The following LRRC4C variants were observed in gnomAD, a reference collection of about 807,000 sequenced individuals.
LRRC4C encodes leucine rich repeat containing 4C.
A neutral mutation model predicts 33.6 loss-of-function variants in LRRC4C; 5 were observed. The ratio of observed to expected loss-of-function variants is 0.15; its 90% confidence interval spans 0.08 to 0.31. The LOEUF (loss-of-function observed/expected upper bound fraction) is 0.31. LRRC4C is among the 10% of genes least tolerant of loss of function. The pLI, the probability that LRRC4C is intolerant of heterozygous loss-of-function variation, is 1.00. For synonymous variants in LRRC4C, 329 were observed against 302.0 expected (o/e 1.09, Z -0.93); for missense variants, 560 against 796.7 (o/e 0.70, Z 3.58).
intron 1 of LRRC4C, among the ~76,000 whole-genome samples, chr11:41,219,246 A>AT (rs150947252): frequency 0.041 from 6,260 of 152,216 alleles, 434 homozygotes; most frequent in African/African-American, 0.14. Context: ...AAAATTACAA[A>AT]AATTCCTCTG....
At chr11:40,898,352 TCAAA>T (rs1956052118) in intron 2 of LRRC4C, among the ~76,000 whole-genome samples, 1 of 3,598 alleles carries the variant, frequency 2.8e-4, no homozygotes, top group African/African-American at 1.1e-3. Context: ...AAACTCCATC[TCAAA>T]AAAAAAAAAA....
At chr11:41,320,950 ACAGT>A (rs1418640802) in intron 1 of LRRC4C, among the ~76,000 whole-genome samples, 1 of 152,198 alleles carries the variant, frequency 6.6e-6, no homozygotes. Context: ...GAGGCTGCTC[ACAGT>A]TTCCTGCCAT....
intron 2 of LRRC4C, among the ~76,000 whole-genome samples, chr11:40,894,869 A>G (rs998967733): frequency 3.3e-5 from 5 of 152,176 alleles, no homozygotes; most frequent in African/African-American, 1.2e-4. Flanking sequence ...CTTCTGGTAC[A>G]TATTATACTC....
intron 2 of LRRC4C, among the ~76,000 whole-genome samples, chr11:40,779,949 T>C (rs542004777): frequency 4.7e-4 from 72 of 152,296 alleles, no homozygotes; most frequent in African/African-American, 1.6e-3. Flanking sequence ...ACAACATCAA[T>C]GTGATGTAAT....
intron 1 of LRRC4C, among the ~76,000 whole-genome samples, chr11:41,138,841 C>T (rs2135892437): frequency 6.6e-6 from 1 of 152,234 alleles, no homozygotes; most frequent in South Asian, 2.1e-4. Flanking sequence ...TATAAGAATA[C>T]TATTTCCCAA....
chr11:40,468,882 TAA>T (rs1489595362), intron 3 of LRRC4C, among the ~76,000 whole-genome samples: 1 of 152,182 alleles, frequency 6.6e-6, no homozygotes, highest in African/African-American at 2.4e-5. Context: ...TCTAATAACT[TAA>T]GATTAGACTA....
At chr11:40,968,715 T>C (rs893646407) in intron 1 of LRRC4C, among the ~76,000 whole-genome samples, 2 of 152,172 alleles carry the variant, frequency 1.3e-5, no homozygotes, top group Non-Finnish European at 2.9e-5. Flanking sequence ...GTTTACAGCA[T>C]GGTTTATGGA....
intron 1 of LRRC4C, among the ~76,000 whole-genome samples, chr11:40,981,026 A>T (rs926553202): frequency 2.6e-5 from 4 of 152,250 alleles, no homozygotes; most frequent in Non-Finnish European, 5.9e-5. Flanking sequence ...CTGAGGAAGC[A>T]AAGGCAGAAA....
chr11:41,022,142 T>TTATATATATA (rs142909883), intron 1 of LRRC4C, among the ~76,000 whole-genome samples: 39 of 139,062 alleles, frequency 2.8e-4, no homozygotes, highest in African/African-American at 9.0e-4. Flanking sequence ...CAATTTTGTT[T>TTATATATATA]TATATATATA....
chr11:41,176,773 G>T (rs1033337460), intron 1 of LRRC4C, among the ~76,000 whole-genome samples: 1 of 151,970 alleles, frequency 6.6e-6, no homozygotes, highest in Non-Finnish European at 1.5e-5. Context: ...GACCAGCCTG[G>T]GCAACGTGGT....
chr11:40,751,881 A>T (rs1327128033), intron 2 of LRRC4C, among the ~76,000 whole-genome samples: 2 of 152,174 alleles, frequency 1.3e-5, no homozygotes, highest in African/African-American at 2.4e-5. Flanking sequence ...TAACCAAAAA[A>T]CAGGATTTTA....
chr11:40,294,758 C>T (rs1452726581), intron 4 of LRRC4C, among the ~76,000 whole-genome samples: 1 of 151,922 alleles, frequency 6.6e-6, no homozygotes, highest in Non-Finnish European at 1.5e-5. Context: ...ACCCGGGAGA[C>T]GGAGGTTGCA....
chr11:40,756,821 G>T (rs1478386760), intron 2 of LRRC4C, among the ~76,000 whole-genome samples: 1 of 151,794 alleles, frequency 6.6e-6, no homozygotes, highest in Admixed American at 6.6e-5. Context: ...AAAACCAATG[G>T]ATAAATGAAT....
chr11:40,653,485 A>G (rs1942926550), intron 2 of LRRC4C, among the ~76,000 whole-genome samples: 1 of 152,162 alleles, frequency 6.6e-6, no homozygotes, highest in African/African-American at 2.4e-5. Context: ...GGAACTTTGA[A>G]CTTGAGAGAG....
chr11:40,628,677 C>T (rs559859701), intron 3 of LRRC4C, among the ~76,000 whole-genome samples: 2 of 152,122 alleles, frequency 1.3e-5, no homozygotes, highest in African/African-American at 4.8e-5. Flanking sequence ...CATTTCAGAT[C>T]TAACACCACG....
intron 3 of LRRC4C, among the ~76,000 whole-genome samples, chr11:40,328,382 T>C (rs1012168614): frequency 2.0e-5 from 3 of 152,180 alleles, no homozygotes; most frequent in Admixed American, 6.5e-5. Flanking sequence ...AAGAGATGAA[T>C]TGCCTAAAAG....
intron 2 of LRRC4C, among the ~76,000 whole-genome samples, chr11:40,798,026 T>C (rs973976126): frequency 2.6e-5 from 4 of 152,222 alleles, no homozygotes; most frequent in African/African-American, 9.6e-5. Context: ...TGAACAGTTA[T>C]ATTCCTATTG....
intron 3 of LRRC4C, among the ~76,000 whole-genome samples, chr11:40,348,321 C>A (rs903458386): frequency 6.6e-6 from 1 of 151,504 alleles, no homozygotes; most frequent in Non-Finnish European, 1.5e-5. Context: ...ACAAGGTATG[C>A]GTGCATCACC....
Position 41,218,431 on chromosome 11 carries a change from C to G in LRRC4C, c.-496+241000G>C, listed in dbSNP as rs1007950451. Among the ~76,000 whole-genome samples the G allele has an allele frequency of 5.3e-5, 8 of 152,302 alleles. No homozygotes were observed. In the South Asian group the frequency reaches 1.7e-3, roughly 32 times the overall value. On this transcript the variant is annotated intron_variant, in intron 1 of 6. Coordinates refer to ENST00000528697, the MANE Select transcript of LRRC4C (RefSeq NM_001258419.2). ...CTTAAAGACAGAAATAGGTAATAAT[C>G]TCAGCACACCTGTGATGCACTCACT...
Sources: allele counts gnomAD v4.1 joint callset (sites outside exome capture counted in the v4.1 genomes callset), GRCh38; gene constraint gnomAD v4.1.1; transcripts MANE v1.5; gene names NCBI Gene and HGNC (gene_info 2026-07-23, HGNC 2026-07-21).